The following RAD51B variants were observed in gnomAD, a reference collection of about 807,000 sequenced individuals.
The protein encoded by RAD51B is DNA repair protein RAD51 homolog 2.
RAD51B carries 38 observed loss-of-function variants against 42.2 expected under a neutral mutation model. That is an observed-to-expected ratio of 0.90 (90% confidence interval 0.70 to 1.18). The LOEUF (loss-of-function observed/expected upper bound fraction) is 1.18. Ranked by LOEUF, RAD51B falls within the 50% of genes most tolerant of loss-of-function variation. RAD51B has a pLI of 0.00. For missense variants in RAD51B, 373 were observed against 400.7 expected (o/e 0.93, Z 0.59); for synonymous variants, 154 against 145.2 (o/e 1.06, Z -0.43).
intron 11 of RAD51B, among the ~76,000 whole-genome samples, chr14:68,673,569 CACAT>C (rs1893217599): frequency 6.6e-6 from 1 of 151,568 alleles, no homozygotes; most frequent in South Asian, 2.1e-4. Flanking sequence ...TGTATGCACA[CACAT>C]ACACATACTG....
At chr14:68,131,662 C>G (rs1284706026) in intron 7 of RAD51B, among the ~76,000 whole-genome samples, 1 of 152,206 alleles carries the variant, frequency 6.6e-6, no homozygotes, top group Non-Finnish European at 1.5e-5. Context: ...TGCCACTTCA[C>G]TCCAGCCTAG....
chr14:68,359,526 G>A (rs970092902), intron 8 of RAD51B, among the ~76,000 whole-genome samples: 7 of 152,160 alleles, frequency 4.6e-5, no homozygotes, highest in Non-Finnish European at 1.5e-5. Context: ...AACGCAAACA[G>A]CTGCTGCCTG....
At chr14:68,516,096 C>T (rs916409946) in intron 10 of RAD51B, among the ~76,000 whole-genome samples, 13 of 152,224 alleles carry the variant, frequency 8.5e-5, no homozygotes, top group South Asian at 2.1e-4. Context: ...GGAAGCTGGA[C>T]CCATTTCTTT....
Position 68,135,738 on chromosome 14 carries a change from C to T in RAD51B, c.757-156146C>T, listed in dbSNP as rs374775931. On this transcript the variant is annotated intron_variant, in intron 7 of 10. Coordinates refer to ENST00000471583, the MANE Select transcript of RAD51B (RefSeq NM_133510.4). Reference sequence around the variant, plus strand: ...GGTTACATTCCATTAAGATTAAATCCAAGCCAAGCAAGTAATACTTACAAG... The same window carrying T: ...GGTTACATTCCATTAAGATTAAATCTAAGCCAAGCAAGTAATACTTACAAG... Among the ~76,000 whole-genome samples the T allele has an allele frequency of 5.9e-5, 9 of 152,154 alleles. 1 individual carries two copies. The highest frequency in any genetic ancestry group is 2.2e-4 in the African/African-American group (9 of 41,510).
At chr14:68,662,163 C>T (rs1009398804) in intron 11 of RAD51B, among the ~76,000 whole-genome samples, 1 of 152,228 alleles carries the variant, frequency 6.6e-6, no homozygotes, top group African/African-American at 2.4e-5. Flanking sequence ...CACTCTTCTT[C>T]AGTTAATGTC....
At chr14:68,596,069 T>C (rs77527055), downstream of RAD51B, 9,807 of 1,041,470 alleles carry the variant, frequency 9.4e-3, 531 homozygotes, top group African/African-American at 0.13. Context: ...TCCTGTTTCT[T>C]ATCCCATGTC....
At chr14:67,945,499 G>A (rs968786392) in intron 7 of RAD51B, among the ~76,000 whole-genome samples, 1 of 151,706 alleles carries the variant, frequency 6.6e-6, no homozygotes, top group African/African-American at 2.4e-5. Context: ...TTGTTTGTTT[G>A]TTTTTTGTGA....
intron 7 of RAD51B, among the ~76,000 whole-genome samples, chr14:68,034,817 TAGTA>T (rs1183837668): frequency 6.6e-6 from 1 of 152,086 alleles, no homozygotes; most frequent in African/African-American, 2.4e-5. Context: ...CAGGGAAAAA[TAGTA>T]AGCCATTTCA....
intron 9 of RAD51B, among the ~76,000 whole-genome samples, chr14:68,448,373 C>T (rs1010240430): frequency 6.6e-6 from 1 of 152,216 alleles, no homozygotes; most frequent in Non-Finnish European, 1.5e-5. Flanking sequence ...CTACAGTTCA[C>T]CCTAAGCAAG....
chr14:68,160,337 G>A (rs2078612015), intron 7 of RAD51B, among the ~76,000 whole-genome samples: 1 of 152,132 alleles, frequency 6.6e-6, no homozygotes, highest in South Asian at 2.1e-4. Flanking sequence ...CCTTAGTATG[G>A]CAGAGCTGGA....
At chr14:68,240,309 T>A (rs2080355747) in intron 7 of RAD51B, among the ~76,000 whole-genome samples, 1 of 152,158 alleles carries the variant, frequency 6.6e-6, no homozygotes, top group African/African-American at 2.4e-5. Flanking sequence ...CAACTCCACT[T>A]CCTTATACAG....
intron 7 of RAD51B, among the ~76,000 whole-genome samples, chr14:67,921,573 A>T (rs1159456504): frequency 0.011 from 715 of 67,692 alleles, 6 homozygotes; most frequent in African/African-American, 0.039. Flanking sequence ...CACATCACAC[A>T]CACACACACA....
intron 7 of RAD51B, among the ~76,000 whole-genome samples, chr14:68,037,884 A>G (rs1357474970): frequency 6.6e-6 from 1 of 152,244 alleles, no homozygotes; most frequent in Non-Finnish European, 1.5e-5. Context: ...TGAAATAAAC[A>G]ATTCCATAGG....
chr14:67,823,422 T>C, intron 1 of RAD51B, 120 bp from the exon 2 acceptor site: 1 of 683,378 alleles, frequency 1.5e-6, no homozygotes, highest in Non-Finnish European at 2.4e-6. Context: ...ATATGTTTCA[T>C]TTTGCATATG....
intron 8 of RAD51B, among the ~76,000 whole-genome samples, chr14:68,378,440 GTCTGTTC>G (rs2083414156): frequency 1.3e-5 from 2 of 152,024 alleles, no homozygotes; most frequent in African/African-American, 4.8e-5. Flanking sequence ...GAGATATATG[GTCTGTTC>G]CCTAAGTACC....
At chr14:68,089,127 C>T (rs1436923713) in intron 7 of RAD51B, among the ~76,000 whole-genome samples, 5 of 152,014 alleles carry the variant, frequency 3.3e-5, no homozygotes, top group Admixed American at 3.3e-4. Flanking sequence ...TCTCATTAGT[C>T]ACTCCAACTT....
At chr14:68,320,226 G>A (rs770865932) in intron 8 of RAD51B, among the ~76,000 whole-genome samples, 3 of 152,102 alleles carry the variant, frequency 2.0e-5, no homozygotes, top group Admixed American at 1.3e-4. Context: ...ATCTTTGTCC[G>A]TGTGTATCAC....
At chr14:68,549,616 G>T (rs377711474) in intron 10 of RAD51B, among the ~76,000 whole-genome samples, 2 of 150,480 alleles carry the variant, frequency 1.3e-5, no homozygotes, top group South Asian at 4.2e-4. Flanking sequence ...GGGTTTCACC[G>T]TGTTAGCCAG....
At chr14:68,475,001 G>A (rs1488231187) in intron 10 of RAD51B, among the ~76,000 whole-genome samples, 1 of 152,260 alleles carries the variant, frequency 6.6e-6, no homozygotes, top group African/African-American at 2.4e-5. Flanking sequence ...GTCACACCTA[G>A]GATGTTGCCG....
Sources: allele counts gnomAD v4.1 joint callset (sites outside exome capture counted in the v4.1 genomes callset), GRCh38; gene constraint gnomAD v4.1.1; transcripts MANE v1.5; gene names NCBI Gene and HGNC (gene_info 2026-07-23, HGNC 2026-07-21).